Variants in CCSER1 observed in about 807,000 individuals in gnomAD.
CCSER1 encodes serine-rich coiled-coil domain-containing protein 1.
A neutral mutation model predicts 82.0 loss-of-function variants in CCSER1; 41 were observed. The ratio of observed to expected loss-of-function variants is 0.50; its 90% CI spans 0.39 to 0.65. The LOEUF (loss-of-function observed/expected upper bound fraction) is 0.65, where lower values mean the gene tolerates loss of function less well. Ranked by LOEUF, CCSER1 falls within the 30% of genes least tolerant of loss-of-function variation. The pLI, the probability that CCSER1 is intolerant of heterozygous loss-of-function variation, is 0.00. For missense variants in CCSER1, 1,119 were observed against 1,064.2 expected (o/e 1.05, Z -0.72); for synonymous variants, 414 against 383.9 (o/e 1.08, Z -0.92).
intron 5 of CCSER1, among the ~76,000 whole-genome samples, chr4:90,550,186 T>C (rs1389884692): frequency 6.6e-6 from 1 of 152,168 alleles, no homozygotes; most frequent in Non-Finnish European, 1.5e-5. Context: ...TCTTGATATG[T>C]CTTCCTGTAT....
At chr4:91,272,438 A>T (rs916906033) in intron 10 of CCSER1, among the ~76,000 whole-genome samples, 39 of 151,894 alleles carry the variant, frequency 2.6e-4, no homozygotes, top group African/African-American at 9.4e-4. Context: ...CCACTTTTTG[A>T]TGGAATTGGT....
chr4:90,582,874 G>A (rs564931236), intron 5 of CCSER1, among the ~76,000 whole-genome samples: 1 of 152,134 alleles, frequency 6.6e-6, no homozygotes, highest in South Asian at 2.1e-4. Flanking sequence ...TTTTTGTTTG[G>A]CCTATGAAAA....
chr4:90,258,470 C>T (rs953661098), intron 1 of CCSER1, among the ~76,000 whole-genome samples: 1 of 152,092 alleles, frequency 6.6e-6, no homozygotes. Context: ...TGAGATCACG[C>T]CACTGCATTC....
At chr4:90,661,864 G>A (rs1730853501) in intron 6 of CCSER1, among the ~76,000 whole-genome samples, 1 of 151,072 alleles carries the variant, frequency 6.6e-6, no homozygotes, top group African/African-American at 2.4e-5. Flanking sequence ...ACCTTGTTGA[G>A]TAAATTGAAA....
chr4:90,895,178 C>A (rs1723527619), intron 8 of CCSER1, among the ~76,000 whole-genome samples: 1 of 151,702 alleles, frequency 6.6e-6, no homozygotes, highest in African/African-American at 2.4e-5. Context: ...TGGCTGTATT[C>A]TTTCTTTTGC....
chr4:91,194,493 T>C (rs1242458949), intron 10 of CCSER1, among the ~76,000 whole-genome samples: 2 of 152,160 alleles, frequency 1.3e-5, no homozygotes, highest in Non-Finnish European at 2.9e-5. Flanking sequence ...AATAATAACA[T>C]TCATAAAAGT....
chr4:91,211,622 T>A (rs888257337), intron 10 of CCSER1, among the ~76,000 whole-genome samples: 1 of 152,086 alleles, frequency 6.6e-6, no homozygotes, highest in Non-Finnish European at 1.5e-5. Context: ...CATAGCATAG[T>A]GGTTGGAGTA....
At chr4:91,327,051 G>T (rs1746618038) in intron 10 of CCSER1, among the ~76,000 whole-genome samples, 1 of 152,162 alleles carries the variant, frequency 6.6e-6, no homozygotes, top group African/African-American at 2.4e-5. Flanking sequence ...CAGGCACATG[G>T]TACAAGCTGT....
chr4:91,390,798 G>C (rs183586136), intron 10 of CCSER1, among the ~76,000 whole-genome samples: 134 of 152,036 alleles, frequency 8.8e-4, no homozygotes, highest in African/African-American at 3.1e-3. Context: ...TTTTTCTTGA[G>C]TGAGTTTTGG....
chr4:91,091,469 T>C (rs924340372), intron 10 of CCSER1, among the ~76,000 whole-genome samples: 1 of 152,234 alleles, frequency 6.6e-6, no homozygotes, highest in African/African-American at 2.4e-5. Flanking sequence ...AGTGACCTGA[T>C]ATATGCACTG....
chr4:90,576,158 C>T (rs1780740210), intron 5 of CCSER1, among the ~76,000 whole-genome samples: 1 of 151,640 alleles, frequency 6.6e-6, no homozygotes, highest in Admixed American at 6.6e-5. Flanking sequence ...TTTTTTTCTA[C>T]TTTCTAAGAG....
rs1257993747 is a variant in CCSER1, at chr4:91,382,232, G to A, written c.2218-216340G>A. Among the ~76,000 whole-genome samples the A allele has an allele frequency of 2.6e-5, 4 of 152,178 alleles. No individual in the cohort carries two copies. In the East Asian group the frequency reaches 5.8e-4, roughly 22 times the overall value. The stretch of plus-strand genomic sequence containing the variant: ...CTACTCTCTTCACAGCTGTCAGACA[G>A]GGACATTTATGGGATAAGGAAACCT... On this transcript the variant is annotated intron_variant, in intron 10 of 10. Coordinates refer to ENST00000509176, the MANE Select transcript of CCSER1 (RefSeq NM_001145065.2).
intron 4 of CCSER1, among the ~76,000 whole-genome samples, chr4:90,465,913 T>C (rs1477268689): frequency 6.6e-6 from 1 of 152,170 alleles, no homozygotes; most frequent in Non-Finnish European, 1.5e-5. Flanking sequence ...TTTTGCATAT[T>C]AGAACCATGT....
At chr4:90,554,015 T>C (rs1777831975) in intron 5 of CCSER1, among the ~76,000 whole-genome samples, 1 of 152,144 alleles carries the variant, frequency 6.6e-6, no homozygotes, top group Non-Finnish European at 1.5e-5. Flanking sequence ...CATATCACAA[T>C]GTTCAACACA....
At chr4:90,785,146 C>A (rs1754301241) in intron 7 of CCSER1, among the ~76,000 whole-genome samples, 1 of 152,130 alleles carries the variant, frequency 6.6e-6, no homozygotes, top group Admixed American at 6.5e-5. Flanking sequence ...AAGGGATCCT[C>A]CCACCTCAGC....
chr4:91,378,821 T>C (rs528755424), intron 10 of CCSER1, among the ~76,000 whole-genome samples: 8 of 152,210 alleles, frequency 5.3e-5, no homozygotes, highest in South Asian at 4.2e-4. Context: ...GCATCCCTGT[T>C]TTGTGCCAGT....
intron 4 of CCSER1, among the ~76,000 whole-genome samples, chr4:90,448,217 G>T (rs890896668): frequency 6.6e-6 from 1 of 151,734 alleles, no homozygotes; most frequent in African/African-American, 2.4e-5. Context: ...AATAGGCCTT[G>T]TCATACATGT....
At chr4:90,551,298 A>C (rs142442478) in intron 5 of CCSER1, among the ~76,000 whole-genome samples, 107 of 152,244 alleles carry the variant, frequency 7.0e-4, no homozygotes, top group African/African-American at 2.5e-3. Flanking sequence ...AAAGCCAGTA[A>C]GATCTGGTAC....
intron 5 of CCSER1, among the ~76,000 whole-genome samples, chr4:90,539,350 C>G (rs2153635002): frequency 6.6e-6 from 1 of 152,106 alleles, no homozygotes; most frequent in African/African-American, 2.4e-5. Flanking sequence ...AGCCTAAGTG[C>G]CTGAAACATT....
Sources: gnomAD v4.1 joint callset for allele counts (sites outside exome capture counted in the v4.1 genomes callset) on GRCh38, gnomAD v4.1.1 for gene constraint, MANE v1.5 for transcripts, NCBI Gene and HGNC (gene_info 2026-07-23, HGNC 2026-07-21) for gene names.